Variants in C10orf90 observed in about 807,000 individuals in gnomAD.
C10orf90 encodes chromosome 10 open reading frame 90, also known as (E2-independent) E3 ubiquitin-conjugating enzyme FATS.
In C10orf90, 56 loss-of-function variants were observed where a neutral mutation model predicts 62.5. The ratio of observed to expected loss-of-function variants is 0.90; its 90% CI spans 0.72 to 1.12. C10orf90 has a LOEUF of 1.12. Among genes scored for constraint, C10orf90 ranks in the 50% most tolerant of loss-of-function variants. The pLI, the probability that C10orf90 is intolerant of heterozygous loss-of-function variation, is 0.00. For synonymous variants in C10orf90, 386 were observed against 340.4 expected, an observed-to-expected ratio of 1.13 and a Z score of -1.47; for missense variants, 970 against 880.4, an observed-to-expected ratio of 1.10 and a Z score of -1.29.
chr10:126,619,256 A>C (rs2164583), intron 2 of C10orf90, among the ~76,000 whole-genome samples: 1 of 152,020 alleles, frequency 6.6e-6, no homozygotes, highest in East Asian at 1.9e-4. Context: ...TGTCATGGAT[A>C]GTCTTATGCA....
At chr10:126,531,968 C>A (rs765182846) in intron 2 of C10orf90, among the ~76,000 whole-genome samples, 2 of 152,024 alleles carry the variant, frequency 1.3e-5, no homozygotes, top group Non-Finnish European at 2.9e-5. Context: ...ATGGAGTTAC[C>A]GAATATTTAA....
At chr10:126,508,158 T>TGAGTGA (rs1554903861) in intron 3 of C10orf90, among the ~76,000 whole-genome samples, 86 of 131,528 alleles carry the variant, frequency 6.5e-4, no homozygotes, top group Admixed American at 1.5e-3. Context: ...AATGAGTGAG[T>TGAGTGA]GAGAGAGAGA....
At chr10:126,560,213 G>C (rs1278359785) in intron 2 of C10orf90, among the ~76,000 whole-genome samples, 1 of 152,158 alleles carries the variant, frequency 6.6e-6, no homozygotes, top group Non-Finnish European at 1.5e-5. Context: ...CAACCTCAGT[G>C]ATTTGTAAGT....
At position 126,504,541 on chromosome 10, in the gene C10orf90, C is replaced by T. The variant is rs369459666; in HGVS notation, c.950G>A (p.Arg317His). 2.5e-6 allele frequency: 4 copies of T among 1,614,094 alleles called. No homozygotes were observed. The highest frequency in any genetic ancestry group is 2.2e-5 in the South Asian group (2 of 91,090). The change falls in exon 4 of 10, where the codon CGC becomes CAC. Residue 317 changes from arginine to histidine, a missense_variant. By Grantham distance (29) the Arg-to-His change is conservative. Transcript: ENST00000488181. The surrounding 1 kb of genome is among the most constrained non-coding windows in gnomAD (Gnocchi z 4.1). Reference protein sequence around the residue: ...PEAHTGLCERRKYWVTHADDK... With the variant: ...PEAHTGLCERHKYWVTHADDK... ...GTCTGCATGGGTGACCCAGTACTTG[C>T]GTCTCTCACACAACCCAGTGTGGGC...
intron 4 of C10orf90, among the ~76,000 whole-genome samples, chr10:126,501,832 G>A (rs965375206): frequency 2.6e-5 from 4 of 152,094 alleles, no homozygotes; most frequent in Non-Finnish European, 4.4e-5. Context: ...GCCAAAAACC[G>A]TATGTTCTCA....
At chr10:126,515,390 C>G (rs1157674199) in intron 2 of C10orf90, among the ~76,000 whole-genome samples, 1 of 152,166 alleles carries the variant, frequency 6.6e-6, no homozygotes, top group African/African-American at 2.4e-5. Flanking sequence ...TTGTCCTATA[C>G]AGGTAGGCCA....
intron 2 of C10orf90, among the ~76,000 whole-genome samples, chr10:126,585,033 G>T (rs527513317): frequency 6.6e-6 from 1 of 151,918 alleles, no homozygotes; most frequent in Non-Finnish European, 1.5e-5. Context: ...ATCAGATTTC[G>T]ATCTGGGAGA....
intron 2 of C10orf90, among the ~76,000 whole-genome samples, chr10:126,644,246 C>T (rs1031169135): frequency 6.6e-6 from 1 of 152,246 alleles, no homozygotes; most frequent in African/African-American, 2.4e-5. Flanking sequence ...AAACCTCCAT[C>T]TACCCTTGCT....
chr10:126,540,959 A>G (rs893162119), intron 2 of C10orf90, among the ~76,000 whole-genome samples: 3 of 152,236 alleles, frequency 2.0e-5, no homozygotes, highest in African/African-American at 7.2e-5. Context: ...CATACACCAA[A>G]CTAAATTTAA....
chr10:126,646,476 C>G (rs1414316518), intron 2 of C10orf90, 89 bp downstream of exon 2: 5 of 301,724 alleles, frequency 1.7e-5, no homozygotes, highest in African/African-American at 1.1e-4. Context: ...AAAGTACATT[C>G]CATTATTAAT....
At chr10:126,621,145 T>C (rs1167956315) in intron 2 of C10orf90, among the ~76,000 whole-genome samples, 1 of 152,244 alleles carries the variant, frequency 6.6e-6, no homozygotes, top group African/African-American at 2.4e-5. Context: ...AAGTATATAG[T>C]TGTTTTGCCT....
chr10:126,500,762 C>G lies in C10orf90; in HGVS notation c.1534+3195G>C, dbSNP rs547452974. ...GAATGCTATGTCTCAGTAGAAACAG[C>G]TATTTGAATTGCATGATGTGCTTGT... On this transcript the variant is annotated intron_variant, in intron 4 of 9. Transcript: ENST00000488181. 1.3e-5 allele frequency among the ~76,000 whole-genome samples: 2 copies of G among 152,290 alleles called. 1 individual carries two copies. The highest frequency in any genetic ancestry group is 4.2e-4 in the South Asian group (2 of 4,818).
chr10:126,506,714 G>A (rs192502559), intron 3 of C10orf90, among the ~76,000 whole-genome samples: 6 of 152,306 alleles, frequency 3.9e-5, no homozygotes, highest in African/African-American at 1.4e-4. Context: ...TGAGGCTGCT[G>A]GTCTTCTCAA....
intron 4 of C10orf90, among the ~76,000 whole-genome samples, chr10:126,488,766 C>A (rs983034765): frequency 7.9e-5 from 12 of 152,080 alleles, no homozygotes; most frequent in African/African-American, 2.9e-4. Flanking sequence ...CCTTGAAAGA[C>A]ACAGAAGATT....
At chr10:126,553,366 T>C (rs1226177604) in intron 2 of C10orf90, among the ~76,000 whole-genome samples, 1 of 152,180 alleles carries the variant, frequency 6.6e-6, no homozygotes, top group Admixed American at 6.5e-5. Flanking sequence ...TAAGAGAGTA[T>C]AGCTAGTGAC....
At chr10:126,518,840 A>G (rs7090591) in intron 2 of C10orf90, among the ~76,000 whole-genome samples, 122,296 of 151,948 alleles carry the variant, frequency 0.8, 49,753 homozygotes, top group Middle Eastern at 0.92. Context: ...TACAACCACC[A>G]TGACTGAACA....
intron 4 of C10orf90, among the ~76,000 whole-genome samples, chr10:126,465,912 A>G (rs1860255673): frequency 6.6e-6 from 1 of 152,206 alleles, no homozygotes; most frequent in African/African-American, 2.4e-5. Context: ...ATGCTTTTAG[A>G]CTCAGAAATC....
rs115875189 is a variant in C10orf90, at chr10:126,473,763, C to G, written c.1535-8777G>C. On this transcript the variant is annotated intron_variant, in intron 4 of 9. Coordinates refer to ENST00000488181, the MANE Select transcript of C10orf90 (RefSeq NM_001350921.2). ...TGATCTATCAAGGTATAAGAGTAGA[C>G]AGATGCGTGGTAGCATAGAGCACAA... Among the ~76,000 whole-genome samples, 1,446 of 152,164 alleles carry G rather than the reference C, an allele frequency of 9.5e-3. 20 individuals carry two copies. The highest frequency in any genetic ancestry group is 0.033 in the African/African-American group (1,352 of 41,510).
At chr10:126,643,891 C>T (rs555685096) in intron 2 of C10orf90, among the ~76,000 whole-genome samples, 19 of 152,290 alleles carry the variant, frequency 1.2e-4, no homozygotes, top group African/African-American at 3.6e-4. Flanking sequence ...TGTTCTTTCC[C>T]GAGGCAGAAA....
Sources: gnomAD v4.1 joint callset for allele counts (sites outside exome capture counted in the v4.1 genomes callset) on GRCh38, gnomAD v4.1.1 for gene constraint, Gnocchi (gnomAD v3.1) non-coding constraint, MANE v1.5 for transcripts, NCBI Gene and HGNC (gene_info 2026-07-23, HGNC 2026-07-21) for gene names.